SNX9: variants seen among roughly 807,000 people sequenced by gnomAD.
SNX9 encodes the protein sorting nexin 9, also known as sorting nexin-9.
A neutral mutation model predicts 89.4 loss-of-function variants in SNX9; 44 were observed. That is an observed-to-expected ratio of 0.49 (90% confidence interval 0.39 to 0.63). The LOEUF (loss-of-function observed/expected upper bound fraction) is 0.63. SNX9 is among the 30% of genes least tolerant of loss of function. The probability of loss-of-function intolerance (pLI) is 0.00; values close to 1 mark genes in which losing one functional copy is unlikely to be tolerated. For synonymous variants in SNX9, 236 were observed against 247.8 expected (o/e 0.95, Z 0.45); for missense variants, 578 against 736.1 (o/e 0.79, Z 2.49).
chr6:157,865,973 A>G (rs1583206618), intron 1 of SNX9, among the ~76,000 whole-genome samples: 1 of 152,184 alleles, frequency 6.6e-6, no homozygotes, highest in African/African-American at 2.4e-5. Context: ...TTTAAACCAT[A>G]TGTTTCCTAG....
intron 4 of SNX9, among the ~76,000 whole-genome samples, chr6:157,883,521 CTG>C (rs1164713364): frequency 6.6e-6 from 1 of 152,178 alleles, no homozygotes; most frequent in Non-Finnish European, 1.5e-5. Context: ...GGTAGGGAAA[CTG>C]TAGAAGAAAT....
At chr6:157,932,837 A>C (rs1275622342) in intron 13 of SNX9, among the ~76,000 whole-genome samples, 2 of 142,712 alleles carry the variant, frequency 1.4e-5, no homozygotes, top group Non-Finnish European at 3.0e-5. Flanking sequence ...AGTGCACTCC[A>C]GCCTGGGTGA....
chr6:157,824,942 A>G (rs1781312237), intron 1 of SNX9, among the ~76,000 whole-genome samples: 1 of 152,210 alleles, frequency 6.6e-6, no homozygotes, highest in Admixed American at 6.5e-5. Context: ...CTCATCTTGC[A>G]ACCTTAAAAG....
intron 1 of SNX9, among the ~76,000 whole-genome samples, chr6:157,833,802 G>T (rs1240322517): frequency 1.3e-5 from 2 of 152,148 alleles, no homozygotes; most frequent in Non-Finnish European, 1.5e-5. Flanking sequence ...CAGTTGTTTT[G>T]TTGATGCATC....
At position 157,906,002 on chromosome 6, in the gene SNX9, A is replaced by G. The variant is rs939200787; in HGVS notation, c.621-126A>G. ...GATTACATTAGGTTTCATTTACCAC[A>G]GTTTCCAGTTCTAGTGCACCCGAAA... On this transcript the variant is annotated intron_variant, in intron 6 of 17. Coordinates refer to ENST00000392185, the MANE Select transcript of SNX9 (RefSeq NM_016224.5). 37 of 670,158 alleles carry G rather than the reference A, an allele frequency of 5.5e-5. No individual in the cohort carries two copies. The Admixed American group carries it at 6.1e-4, about 11-fold the overall frequency. 41.5% of individuals were successfully genotyped at this position (670,158 alleles called of 1,614,324 possible).
At chr6:157,855,951 G>A (rs9458673) in intron 1 of SNX9, among the ~76,000 whole-genome samples, 6,121 of 152,276 alleles carry the variant, frequency 0.04, 425 homozygotes, top group East Asian at 0.28. Context: ...GTTTCACCAT[G>A]TTGGCCAGGC....
At chr6:157,867,204 T>C (rs376720943) in intron 1 of SNX9, among the ~76,000 whole-genome samples, 37 of 152,154 alleles carry the variant, frequency 2.4e-4, no homozygotes, top group African/African-American at 8.9e-4. Flanking sequence ...CCTCCTGCTA[T>C]TTAGTCTCCC....
chr6:157,841,001 C>T (rs898193798), intron 1 of SNX9, among the ~76,000 whole-genome samples: 14 of 152,176 alleles, frequency 9.2e-5, no homozygotes, highest in African/African-American at 3.4e-4. Context: ...CGACTCACTG[C>T]ATTTCTCTTC....
intron 2 of SNX9, chr6:157,872,716 C>T (rs954298870): frequency 2.5e-5 from 4 of 157,254 alleles, no homozygotes; most frequent in Non-Finnish European, 5.6e-5. Context: ...AGGATTTCCA[C>T]TTGATTCTGT....
At chr6:157,930,620 C>A (rs572873354) in intron 12 of SNX9, among the ~76,000 whole-genome samples, 74 of 152,258 alleles carry the variant, frequency 4.9e-4, no homozygotes, top group African/African-American at 1.7e-3. Context: ...GAAATTTGCA[C>A]CCTATTAAGA....
At chr6:157,903,146 C>G (rs1292741857) in intron 6 of SNX9, among the ~76,000 whole-genome samples, 1 of 152,152 alleles carries the variant, frequency 6.6e-6, no homozygotes. Flanking sequence ...TTCAAGTACT[C>G]CTTCCAGCAG....
At chr6:157,864,417 T>C (rs1782210270) in intron 1 of SNX9, among the ~76,000 whole-genome samples, 1 of 152,196 alleles carries the variant, frequency 6.6e-6, no homozygotes, top group South Asian at 2.1e-4. Context: ...CTTAGTAATA[T>C]TTAAGTGTGT....
At chr6:157,923,004 A>G (rs1783614210) in intron 10 of SNX9, among the ~76,000 whole-genome samples, 1 of 152,220 alleles carries the variant, frequency 6.6e-6, no homozygotes, top group Non-Finnish European at 1.5e-5. Flanking sequence ...TGATTTAGAA[A>G]GCATTTCTGA....
At chr6:157,886,269 G>A (rs1046653127) in intron 4 of SNX9, among the ~76,000 whole-genome samples, 3 of 152,198 alleles carry the variant, frequency 2.0e-5, no homozygotes, top group African/African-American at 7.2e-5. Flanking sequence ...CCCCAAGGAT[G>A]TCATATGAGG....
rs765989922 is a variant in SNX9, at chr6:157,831,652, A to G, written c.12+8206A>G. Among the ~76,000 whole-genome samples the G allele has an allele frequency of 2.0e-4, 31 of 152,240 alleles. 1 individual carries two copies. The highest frequency in any genetic ancestry group is 9.2e-4 in the Admixed American group (14 of 15,282). ...GTCTCCCAGCGGGAAATCCTGCCTC[A>G]GCACATGTGTTCTCCCAGGGTTTCT... On this transcript the variant is annotated intron_variant, in intron 1 of 17. Coordinates refer to ENST00000392185, the MANE Select transcript of SNX9 (RefSeq NM_016224.5).
At chr6:157,840,447 CT>C (rs1341607255) in intron 1 of SNX9, among the ~76,000 whole-genome samples, 32 of 149,974 alleles carry the variant, frequency 2.1e-4, no homozygotes, top group Non-Finnish European at 3.9e-4. Flanking sequence ...CCTTTCTTTC[CT>C]TTCCTTCCTT....
chr6:157,882,035 G>A (rs1458095994), intron 4 of SNX9, among the ~76,000 whole-genome samples: 2 of 152,206 alleles, frequency 1.3e-5, no homozygotes, highest in East Asian at 3.8e-4. Flanking sequence ...GACTTGCACA[G>A]CTGGAGAGGG....
chr6:157,844,362 C>T lies in SNX9; in HGVS notation c.12+20916C>T, dbSNP rs186545145. Among the ~76,000 whole-genome samples, 596 of 151,978 alleles carry T rather than the reference C, an allele frequency of 3.9e-3. 2 individuals are homozygous for T. The highest frequency in any genetic ancestry group is 6.0e-3 in the Non-Finnish European group (409 of 67,992). On this transcript the variant is annotated intron_variant, in intron 1 of 17. Coordinates refer to ENST00000392185, the MANE Select transcript of SNX9 (RefSeq NM_016224.5). ...AGTGCTGATTGGTCAGGGGTGAAAT[C>T]ACAGGGAGTCAAAGCTGTCTTGCAC...
chr6:157,833,996 G>A (rs542512866), intron 1 of SNX9, among the ~76,000 whole-genome samples: 2 of 151,950 alleles, frequency 1.3e-5, no homozygotes, highest in East Asian at 1.9e-4. Flanking sequence ...TGGGGGCTAC[G>A]TCAGGTTTTG....
Sources: gnomAD v4.1 joint callset for allele counts (sites outside exome capture counted in the v4.1 genomes callset) on GRCh38, gnomAD v4.1.1 for gene constraint, MANE v1.5 for transcripts, NCBI Gene and HGNC (gene_info 2026-07-23, HGNC 2026-07-21) for gene names.